ESRRG: variants seen among roughly 807,000 people sequenced by gnomAD.
ESRRG encodes the protein estrogen-related receptor gamma.
In ESRRG, 13 loss-of-function variants were observed where a neutral mutation model predicts 44.0. The observed-to-expected ratio is 0.30, with a 90% CI of 0.19 to 0.47. ESRRG has a LOEUF of 0.47. ESRRG is among the 20% of genes least tolerant of loss of function. ESRRG has a pLI of 1.00. For missense variants in ESRRG, 395 were observed against 580.6 expected (o/e 0.68, Z 3.29); for synonymous variants, 215 against 214.6 (o/e 1.00, Z -0.02).
intron 1 of ESRRG, among the ~76,000 whole-genome samples, chr1:216,722,956 A>T (rs2086673780): frequency 6.6e-6 from 1 of 152,208 alleles, no homozygotes; most frequent in South Asian, 2.1e-4. Flanking sequence ...CATTTGTGCC[A>T]AGTGCCTATT....
At chr1:216,749,447 C>T (rs950359824) in intron 2 of ESRRG, among the ~76,000 whole-genome samples, 1 of 152,182 alleles carries the variant, frequency 6.6e-6, no homozygotes, top group Non-Finnish European at 1.5e-5. Flanking sequence ...ATAGGGAATA[C>T]GCTGTGTGTG....
At chr1:216,604,741 G>A (rs911148351) in intron 3 of ESRRG, among the ~76,000 whole-genome samples, 1 of 152,120 alleles carries the variant, frequency 6.6e-6, no homozygotes, top group Non-Finnish European at 1.5e-5. Flanking sequence ...TAGCATTCAC[G>A]CCCTAACCAC....
chr1:216,767,033 T>C (rs1012600402), intron 2 of ESRRG, among the ~76,000 whole-genome samples: 1 of 152,110 alleles, frequency 6.6e-6, no homozygotes, highest in African/African-American at 2.4e-5. Flanking sequence ...GATCTTACAA[T>C]CATATAATCC....
At chr1:216,542,069 T>TGAGAGAGAGAGAGA in intron 5 of ESRRG, among the ~76,000 whole-genome samples, 1 of 111,250 alleles carries the variant, frequency 9.0e-6, no homozygotes. Flanking sequence ...TGTGTGTCTA[T>TGAGAGAGAGAGAGA]GACAGAGAGA....
At chr1:216,525,887 C>A (rs1156836931) in intron 5 of ESRRG, among the ~76,000 whole-genome samples, 1 of 152,140 alleles carries the variant, frequency 6.6e-6, no homozygotes, top group African/African-American at 2.4e-5. Flanking sequence ...ACCAGTCCCA[C>A]TTTGGAACCA....
chr1:216,553,491 T>C (rs1330203151), intron 5 of ESRRG, among the ~76,000 whole-genome samples: 1 of 152,150 alleles, frequency 6.6e-6, no homozygotes, highest in African/African-American at 2.4e-5. Flanking sequence ...CTTTCTAATA[T>C]TAACAATTTG....
chr1:216,998,832 G>A (rs967636316), intron 1 of ESRRG, among the ~76,000 whole-genome samples: 4 of 152,166 alleles, frequency 2.6e-5, no homozygotes, highest in Admixed American at 1.3e-4. Flanking sequence ...AAAATCTTAT[G>A]ACAAAATTAT....
chr1:216,564,792 C>A (rs1384328367), intron 4 of ESRRG, among the ~76,000 whole-genome samples: 1 of 152,012 alleles, frequency 6.6e-6, no homozygotes, highest in Non-Finnish European at 1.5e-5. Context: ...AAATATAGAT[C>A]ATAACACAGG....
At chr1:216,893,690 A>G (rs967445947) in intron 2 of ESRRG, among the ~76,000 whole-genome samples, 1 of 152,152 alleles carries the variant, frequency 6.6e-6, no homozygotes, top group African/African-American at 2.4e-5. Context: ...AATACATACT[A>G]AAGTATGTAT....
intron 2 of ESRRG, among the ~76,000 whole-genome samples, chr1:216,671,627 G>A (rs983931216): frequency 1.3e-5 from 2 of 152,170 alleles, no homozygotes; most frequent in South Asian, 4.1e-4. Flanking sequence ...AGGGGTTAAG[G>A]TCTCACAGCT....
intron 2 of ESRRG, among the ~76,000 whole-genome samples, chr1:216,893,400 C>T (rs2058046154): frequency 6.6e-6 from 1 of 152,064 alleles, no homozygotes; most frequent in Non-Finnish European, 1.5e-5. Flanking sequence ...TAATGTAGTG[C>T]CAGGGCCCCA....
At chr1:217,065,004 C>T (rs1438284820) in intron 1 of ESRRG, among the ~76,000 whole-genome samples, 1 of 152,126 alleles carries the variant, frequency 6.6e-6, no homozygotes, top group Non-Finnish European at 1.5e-5. Flanking sequence ...TGTGAGAATG[C>T]CACATTTTCC....
At chr1:216,574,103 C>A (rs1013554823) in intron 3 of ESRRG, among the ~76,000 whole-genome samples, 1 of 152,098 alleles carries the variant, frequency 6.6e-6, no homozygotes, top group East Asian at 1.9e-4. Context: ...AAAAGACCCA[C>A]AGTGTTCAAT....
chr1:216,933,212 A>G (rs1193725835), intron 2 of ESRRG, among the ~76,000 whole-genome samples: 2 of 152,140 alleles, frequency 1.3e-5, no homozygotes, highest in Non-Finnish European at 2.9e-5. Context: ...CTATATTGAC[A>G]ATATATGCTA....
At chr1:217,012,943 G>A (rs1350728528) in intron 1 of ESRRG, among the ~76,000 whole-genome samples, 2 of 152,056 alleles carry the variant, frequency 1.3e-5, no homozygotes, top group South Asian at 2.1e-4. Flanking sequence ...TCCTTCTGAG[G>A]GTTGTGAGAA....
At chr1:216,990,110 A>C (rs145736153) in intron 1 of ESRRG, among the ~76,000 whole-genome samples, 43 of 152,322 alleles carry the variant, frequency 2.8e-4, no homozygotes, top group Admixed American at 9.8e-4. Context: ...GAATGTCACC[A>C]GAAATTTGTC....
intron 1 of ESRRG, among the ~76,000 whole-genome samples, chr1:216,962,029 CAT>C (rs1328845879): frequency 6.8e-6 from 1 of 147,724 alleles, no homozygotes; most frequent in Non-Finnish European, 1.5e-5. Context: ...TATAGTCACA[CAT>C]GACATAATTG....
At chr1:216,728,283 C>A (rs534866402), upstream of ESRRG, among the ~76,000 whole-genome samples, 7 of 152,254 alleles carry the variant, frequency 4.6e-5, no homozygotes, top group East Asian at 1.2e-3. Flanking sequence ...GTCAATGTCC[C>A]ATTTTAGACC....
intron 3 of ESRRG, among the ~76,000 whole-genome samples, chr1:216,573,414 A>C (rs1320777796): frequency 6.6e-6 from 1 of 151,886 alleles, no homozygotes; most frequent in Non-Finnish European, 1.5e-5. Flanking sequence ...TATATCCTCC[A>C]TGATGTTTTG....
Sources: gnomAD v4.1 joint callset for allele counts (sites outside exome capture counted in the v4.1 genomes callset) on GRCh38, gnomAD v4.1.1 for gene constraint, MANE v1.5 for transcripts, NCBI Gene and HGNC (gene_info 2026-07-23, HGNC 2026-07-21) for gene names.